The following ZNF343 variants were observed in gnomAD, a reference collection of about 807,000 sequenced individuals.
ZNF343 encodes the protein zinc finger protein 343.
A neutral mutation model predicts 13.8 loss-of-function variants in ZNF343; 11 were observed. The ratio of observed to expected loss-of-function variants is 0.80; its 90% CI spans 0.50 to 1.32. The LOEUF is 1.32. ZNF343 is among the 40% of genes most tolerant of loss of function. ZNF343 has a pLI of 0.00. For synonymous variants in ZNF343, 248 were observed against 260.0 expected (o/e 0.95, Z 0.44); for missense variants, 658 against 714.2 (o/e 0.92, Z 0.90).
chr20:2,493,450 A>G, intron 4 of ZNF343, 69 bp downstream of exon 4: 1 of 1,410,742 alleles, frequency 7.1e-7, no homozygotes, highest in Non-Finnish European at 1.0e-6. Context: ...CAAGAAAGAG[A>G]ATATATGTCT....
At position 2,502,243 on chromosome 20, in the gene ZNF343, C is replaced by T. The variant is rs577579715; in HGVS notation, c.-236-1501G>A. 5.3e-4 allele frequency among the ~76,000 whole-genome samples: 80 copies of T among 152,100 alleles called. 2 individuals are homozygous for T. The South Asian group carries it at 0.017, about 32-fold the overall frequency. On this transcript the variant is annotated intron_variant, in intron 1 of 5. Coordinates refer to ENST00000278772, the MANE Select transcript of ZNF343 (RefSeq NM_024325.6). ...GGAAGATCAAATGAATGAAATGAAG[C>T]AAGAAGAGAAGTTAGAGAAAAAAGA... is the stretch of plus-strand genomic sequence containing the variant.
chr20:2,497,402 A>G (rs2085477690), intron 2 of ZNF343, among the ~76,000 whole-genome samples: 1 of 152,180 alleles, frequency 6.6e-6, no homozygotes, highest in Non-Finnish European at 1.5e-5. Context: ...GTCAGGGAAG[A>G]CAGAGAAGTA....
chr20:2,506,044 A>T (rs1405896640), intron 1 of ZNF343, among the ~76,000 whole-genome samples: 1 of 152,220 alleles, frequency 6.6e-6, no homozygotes, highest in Non-Finnish European at 1.5e-5. Flanking sequence ...CAATCTACTC[A>T]TCTGACAAAG....
At chr20:2,487,102 G>T (rs2085293271) in intron 5 of ZNF343, among the ~76,000 whole-genome samples, 1 of 152,200 alleles carries the variant, frequency 6.6e-6, no homozygotes, top group African/African-American at 2.4e-5. Flanking sequence ...ATGGAGTATG[G>T]TCAAAGCTCT....
At chr20:2,521,890 T>G (rs1465795365) in intron 1 of ZNF343, among the ~76,000 whole-genome samples, 1 of 152,092 alleles carries the variant, frequency 6.6e-6, no homozygotes, top group African/African-American at 2.4e-5. Flanking sequence ...CCGGAGGGGC[T>G]CCCCCTAGCG....
At chr20:2,510,391 CCTT>C (rs796153209), upstream of ZNF343, among the ~76,000 whole-genome samples, 11 of 150,948 alleles carry the variant, frequency 7.3e-5, no homozygotes, top group African/African-American at 2.7e-4. Context: ...AAACTGTTCT[CCTT>C]CTTTTCTACG....
At chr20:2,487,637 C>T (rs2085301001) in intron 5 of ZNF343, among the ~76,000 whole-genome samples, 1 of 152,164 alleles carries the variant, frequency 6.6e-6, no homozygotes, top group African/African-American at 2.4e-5. Flanking sequence ...ATGAATAACC[C>T]TGTACAAGTG....
chr20:2,489,032 T>G (rs1386178227), intron 5 of ZNF343, among the ~76,000 whole-genome samples: 1 of 152,178 alleles, frequency 6.6e-6, no homozygotes, highest in Non-Finnish European at 1.5e-5. Flanking sequence ...ATGACAGACG[T>G]GAGACCCTGT....
rs2085795222 is a variant in ZNF343, at chr20:2,524,272, C to G, written c.-347+183G>C. ...GCTGCAGTGAGGCATGATCATACCA[C>G]TGCACTCCAGCCTGGGGGACAAAGG... On this transcript the variant is annotated intron_variant, in intron 1 of 6. Transcript: ENST00000358413. 2.6e-5 allele frequency among the ~76,000 whole-genome samples: 4 copies of G among 152,284 alleles called. No individual in the cohort carries two copies. The South Asian group carries it at 8.3e-4, about 32-fold the overall frequency.
Position 2,484,285 on chromosome 20 carries a change from G to C in ZNF343, c.676C>G (p.Leu226Val). 1 of 1,614,192 alleles carries C rather than the reference G, an allele frequency of 6.2e-7. No individual in the cohort carries two copies. Among genetic ancestry groups the C allele is most frequent in the Non-Finnish European group, 8.5e-7 (1 of 1,180,036 alleles). ...SSAQRPNPVQ[L>V]DKGLKELETL... ...TCTAATTCCTTCAAGCCTTTGTCTA[G>C]CTGCACAGGGTTTGGTCTTTGGGCT... Residue 226 changes from leucine to valine, a missense_variant, in exon 6 of 6, where the codon CTA (leucine) becomes GTA (valine). Coordinates refer to ENST00000278772, the MANE Select transcript of ZNF343 (RefSeq NM_024325.6).
At chr20:2,495,554 C>A (rs1289450613) in intron 2 of ZNF343, 1 of 152,230 alleles carries the variant, frequency 6.6e-6, no homozygotes, top group East Asian at 1.9e-4. Flanking sequence ...AAAGCTAAAG[C>A]CAACCTATAG....
chr20:2,490,419 C>T (rs74498208), intron 5 of ZNF343, among the ~76,000 whole-genome samples: 3,272 of 152,120 alleles, frequency 0.022, 117 homozygotes, highest in African/African-American at 0.074. Flanking sequence ...ACAAAGGAAA[C>T]GATTTCAAGG....
intron 2 of ZNF343, among the ~76,000 whole-genome samples, chr20:2,496,561 T>G (rs1427088071): frequency 1.3e-5 from 2 of 152,060 alleles, no homozygotes; most frequent in East Asian, 3.9e-4. Context: ...GCTGGTAGAC[T>G]AGGAACAGAC....
intron 1 of ZNF343, among the ~76,000 whole-genome samples, chr20:2,507,939 A>G (rs940495693): frequency 1.3e-5 from 2 of 152,128 alleles, no homozygotes; most frequent in Non-Finnish European, 2.9e-5. Context: ...CTAACCCTTC[A>G]CAGCCCCAAA....
At chr20:2,493,453 A>C in intron 4 of ZNF343, 66 bp downstream of exon 4, 1 of 1,415,106 alleles carries the variant, frequency 7.1e-7, no homozygotes, top group Non-Finnish European at 1.0e-6. Context: ...GAAAGAGAAT[A>C]TATGTCTATT....
At chr20:2,486,559 G>C (rs2085284282) in intron 5 of ZNF343, 1 of 152,168 alleles carries the variant, frequency 6.6e-6, no homozygotes, top group Non-Finnish European at 1.5e-5. Context: ...CTGAGGTCGG[G>C]AGTTCCAGAC....
At chr20:2,491,751 A>G (rs908686821) in intron 5 of ZNF343, 5 of 152,252 alleles carry the variant, frequency 3.3e-5, no homozygotes, top group African/African-American at 1.2e-4. Flanking sequence ...ATCACCTGTA[A>G]AAACAGTTAT....
intron 2 of ZNF343, among the ~76,000 whole-genome samples, chr20:2,498,662 T>C (rs2085502609): frequency 6.6e-6 from 1 of 152,192 alleles, no homozygotes; most frequent in Admixed American, 6.5e-5. Flanking sequence ...AAGCATATAT[T>C]ATGTGCCAGG....
intron 5 of ZNF343, chr20:2,486,594 C>T (rs1350211599): frequency 6.6e-6 from 1 of 152,214 alleles, no homozygotes; most frequent in East Asian, 1.9e-4. Flanking sequence ...TGGAGAAACC[C>T]CATCTCTACT....
Sources: allele counts gnomAD v4.1 joint callset (sites outside exome capture counted in the v4.1 genomes callset), GRCh38; gene constraint gnomAD v4.1.1; transcripts MANE v1.5; gene names NCBI Gene and HGNC (gene_info 2026-07-23, HGNC 2026-07-21).